PCYT1A: variants seen among roughly 807,000 people sequenced by gnomAD.
The protein encoded by PCYT1A is phosphate cytidylyltransferase 1A, choline, also known as choline-phosphate cytidylyltransferase A.
PCYT1A carries 25 observed loss-of-function variants against 43.7 expected under a neutral mutation model. The ratio of observed to expected loss-of-function variants is 0.57; its 90% CI spans 0.42 to 0.80. The LOEUF is 0.80. PCYT1A is among the 30% of genes least tolerant of loss of function. The pLI, the probability that PCYT1A is intolerant of heterozygous loss-of-function variation, is 0.00. For missense variants in PCYT1A, 421 were observed against 474.2 expected, an observed-to-expected ratio of 0.89 and a Z score of 1.04; for synonymous variants, 172 against 170.7, an observed-to-expected ratio of 1.01 and a Z score of -0.06.
intron 2 of PCYT1A, among the ~76,000 whole-genome samples, chr3:196,269,757 G>A (rs945872799): frequency 9.2e-5 from 14 of 152,294 alleles, no homozygotes; most frequent in African/African-American, 2.9e-4. Context: ...AGGAATGATA[G>A]AGGGAGAAAA....
rs1323330893 is a variant in PCYT1A, at chr3:196,241,941, A to G, written c.708+7T>C. ...TCAGGGAACTCTGGGGTAAGGCTGG[A>G]ACTCACGTTGATAAAGCTGACATTG... On this transcript the variant is annotated splice_region_variant and intron_variant, in intron 7 of 8. Transcript: ENST00000431016. The G allele has an allele frequency of 6.2e-7, 1 of 1,614,160 alleles. No individual in the cohort carries two copies. The highest frequency in any genetic ancestry group is 8.5e-7 in the Non-Finnish European group (1 of 1,179,996).
In PCYT1A at chr3:196,247,298, C is replaced by A; in HGVS notation, c.486+69G>T. On this transcript the variant is annotated intron_variant, in intron 5 of 8. Transcript: ENST00000431016. The surrounding 1 kb of genome is among the most constrained non-coding windows in gnomAD (Gnocchi z 4.8). ...ACACGGCTAGTGGAAAACCAGCCTA[C>A]GTGCCAGCAGCTTTGAGAGTTGAGG... 1 of 1,537,290 alleles carries A rather than the reference C, an allele frequency of 6.5e-7. No homozygotes were observed. Among genetic ancestry groups the A allele is most frequent in the African/African-American group, 1.4e-5 (1 of 73,456 alleles).
intron 1 of PCYT1A, among the ~76,000 whole-genome samples, chr3:196,276,509 G>A (rs1352148647): frequency 1.3e-5 from 2 of 151,730 alleles, no homozygotes; most frequent in African/African-American, 4.8e-5. Flanking sequence ...AGACTGAGGC[G>A]GGAGGATCAC....
At chr3:196,250,377 T>C (rs1369318624) in intron 3 of PCYT1A, among the ~76,000 whole-genome samples, 8 of 149,648 alleles carry the variant, frequency 5.3e-5, no homozygotes, top group Non-Finnish European at 1.2e-4. Flanking sequence ...AGATACACTA[T>C]GCTGAGGCTG....
intron 2 of PCYT1A, among the ~76,000 whole-genome samples, chr3:196,266,248 G>A (rs910942485): frequency 3.3e-5 from 5 of 151,440 alleles, no homozygotes; most frequent in East Asian, 2.0e-4. Context: ...CGAGGCGGGC[G>A]GATCACGAGG....
chr3:196,236,657 A>ATG lies in PCYT1A; in HGVS notation c.*2029_*2030dup, dbSNP rs568616583. The ATG allele has an allele frequency of 6.6e-6, 1 of 151,142 alleles. No homozygotes were observed. Among genetic ancestry groups the ATG allele is most frequent in the Non-Finnish European group, 1.5e-5 (1 of 67,776 alleles). 9.4% of individuals were successfully genotyped at this position (151,142 alleles called of 1,614,324 possible). ...GTTGATTATTTCTCTTTATTTCTGT[A>ATG]TGTGTGTGTGGTTTTTGTTTTGTTT... On this transcript the variant is annotated 3_prime_UTR_variant, in exon 9 of 9. Transcript: ENST00000431016.
At chr3:196,276,113 C>A (rs1284735051) in intron 1 of PCYT1A, among the ~76,000 whole-genome samples, 3 of 149,016 alleles carry the variant, frequency 2.0e-5, no homozygotes, top group Non-Finnish European at 3.0e-5. Flanking sequence ...AAAAAAAAAC[C>A]AAAACAAAAT....
In PCYT1A at chr3:196,242,041, G is replaced by A. The variant is rs149021553; in HGVS notation, c.615C>T (p.Ile205=). The A allele has an allele frequency of 9.9e-6, 16 of 1,613,974 alleles. No homozygotes were observed. The highest frequency in any genetic ancestry group is 1.3e-5 in the Non-Finnish European group (15 of 1,179,990). The change falls in exon 7 of 9, where the codon ATC becomes ATT. Residue 205 remains isoleucine (I), a synonymous_variant. Coordinates refer to ENST00000431016, the MANE Select transcript of PCYT1A (RefSeq NM_001312673.2). This position sits in a 1 kb window ranked among gnomAD's most constrained non-coding sequence, Gnocchi z 4.2. ...QRTEGISTSD[I]ITRIVRDYDV... ...CATAATCCCGCACAATTCGGGTGAT[G>A]ATGTCTGATGTGGAGATACCTTCTG...
In PCYT1A at chr3:196,247,707, C is replaced by T; in HGVS notation, c.335-189G>A. 1.4e-6 allele frequency: 1 copy of T among 696,022 alleles called. No individual in the cohort carries two copies. The highest frequency in any genetic ancestry group is 2.6e-6 in the Non-Finnish European group (1 of 380,764). The allele number at this position is 696,022 out of a possible 1,614,324, so 43.1% of individuals were successfully genotyped here. On this transcript the variant is annotated intron_variant, in intron 4 of 8. Coordinates refer to ENST00000431016, the MANE Select transcript of PCYT1A (RefSeq NM_001312673.2). The surrounding 1 kb of genome is among the most constrained non-coding windows in gnomAD (Gnocchi z 4.8). The stretch of plus-strand genomic sequence containing the variant: ...CTAATGCAGCGTATACCTTCAGGAG[C>T]AACACTCACTAAACAGTATGTTCAT...
In PCYT1A at chr3:196,242,877, G is replaced by A; in HGVS notation, c.487-237C>T. 1 of 541,584 alleles carries A rather than the reference G, an allele frequency of 1.8e-6. No homozygotes were observed. The allele number at this position is 541,584 out of a possible 1,614,324, so 33.5% of individuals were successfully genotyped here. On this transcript the variant is annotated intron_variant, in intron 5 of 8. Coordinates refer to ENST00000431016, the MANE Select transcript of PCYT1A (RefSeq NM_001312673.2). This position sits in a 1 kb window ranked among gnomAD's most constrained non-coding sequence, Gnocchi z 4.2. ...CTTTTGTAGCTATTTCTCCTAGTCT[G>A]CTAGAACTGTTACCCTCACTCTGTA...
At chr3:196,258,803 T>C (rs1450377441) in intron 2 of PCYT1A, among the ~76,000 whole-genome samples, 1 of 152,006 alleles carries the variant, frequency 6.6e-6, no homozygotes, top group African/African-American at 2.4e-5. Context: ...CCTAGGCTGG[T>C]CTCAAACTCC....
chr3:196,260,919 C>T (rs1725092277), intron 2 of PCYT1A, among the ~76,000 whole-genome samples: 1 of 152,004 alleles, frequency 6.6e-6, no homozygotes, highest in Non-Finnish European at 1.5e-5. Context: ...TCGTAATAGC[C>T]AAAAAGTAGA....
intron 7 of PCYT1A, chr3:196,240,654 G>A (rs1367656391): frequency 6.6e-6 from 1 of 152,172 alleles, no homozygotes; most frequent in Non-Finnish European, 1.5e-5. Context: ...TTGCGCCACT[G>A]TACTCTGGCC....
At position 196,273,786 on chromosome 3, in the gene PCYT1A, T is replaced by C. The variant is rs1725508436; in HGVS notation, c.-10-3245A>G. On this transcript the variant is annotated intron_variant, in intron 1 of 8. Coordinates refer to ENST00000431016, the MANE Select transcript of PCYT1A (RefSeq NM_001312673.2). The surrounding 1 kb of genome is among the most constrained non-coding windows in gnomAD (Gnocchi z 4.1). ...CACAGGCAGCCCGGAAAAAGCATCG[T>C]AAGTTCTCATTCCAGTCCACAGAAC... Among the ~76,000 whole-genome samples the C allele has an allele frequency of 6.6e-6, 1 of 151,888 alleles. No homozygotes were observed. The highest frequency in any genetic ancestry group is 1.5e-5 in the Non-Finnish European group (1 of 68,006).
Position 196,247,260 on chromosome 3 carries a change from A to G in PCYT1A, c.486+107T>C. 9.1e-7 allele frequency: 1 copy of G among 1,104,482 alleles called. No individual in the cohort carries two copies. Among genetic ancestry groups the G allele is most frequent in the Non-Finnish European group, 1.4e-6 (1 of 737,840 alleles). 68.4% of individuals were successfully genotyped at this position (1,104,482 alleles called of 1,614,324 possible). ...TCATCTCCTACGAAACTTACATAAG[A>G]GGTAGAAGTAAAACACGGCTAGTGG... On this transcript the variant is annotated intron_variant, in intron 5 of 8. Transcript: ENST00000431016. This position sits in a 1 kb window ranked among gnomAD's most constrained non-coding sequence, Gnocchi z 4.8.
Position 196,237,102 on chromosome 3 carries a change from C to CAG in PCYT1A, c.*1584_*1585dup, listed in dbSNP as rs147293878. On this transcript the variant is annotated 3_prime_UTR_variant, in exon 9 of 9. Coordinates refer to ENST00000431016, the MANE Select transcript of PCYT1A (RefSeq NM_001312673.2). ...GACTATGAGATGCTCACAGTCCTAG[C>CAG]AGAGGCAAGGAAAGAGAAAATGTGG... The CAG allele has an allele frequency of 0.15, 22,084 of 152,242 alleles. 2,730 individuals carry two copies. The highest frequency in any genetic ancestry group is 0.33 in the African/African-American group (13,706 of 41,484). 9.4% of individuals were successfully genotyped at this position (152,242 alleles called of 1,614,324 possible).
At position 196,239,596 on chromosome 3, in the gene PCYT1A, C is replaced by A; in HGVS notation, c.848G>T (p.Arg283Leu). The change falls in exon 8 of 9, where the codon CGA (arginine) becomes CTA (leucine). Residue 283 changes from arginine (R) to leucine (L), a missense_variant. By Grantham distance (102) the Arg-to-Leu change is moderately radical. Coordinates refer to ENST00000431016, the MANE Select transcript of PCYT1A (RefSeq NM_001312673.2). ...DLIQKWEEKS[R>L]EFIGSFLEMF... ...TTCCAGAAAACTTCCAATGAATTCTCGGGACTTCTCCTCCCACTTCTGAAT... is the reference window on the plus strand; with the variant it reads ...TTCCAGAAAACTTCCAATGAATTCTAGGGACTTCTCCTCCCACTTCTGAAT... The A allele has an allele frequency of 6.2e-7, 1 of 1,613,322 alleles. No individual in the cohort carries two copies. The highest frequency in any genetic ancestry group is 8.5e-7 in the Non-Finnish European group (1 of 1,179,252).
chr3:196,241,383 G>C (rs180852330), intron 7 of PCYT1A: 5 of 418,088 alleles, frequency 1.2e-5, no homozygotes, highest in African/African-American at 8.3e-5. Context: ...ATGGGGTCTC[G>C]CTATGTTGCC....
chr3:196,278,982 A>C (rs1442192279), intron 1 of PCYT1A, among the ~76,000 whole-genome samples: 2 of 144,110 alleles, frequency 1.4e-5, no homozygotes, highest in African/African-American at 5.2e-5. Flanking sequence ...CCTCATCTCA[A>C]AAAAAAAAAA....
Sources: gnomAD v4.1 joint callset for allele counts (sites outside exome capture counted in the v4.1 genomes callset) on GRCh38, gnomAD v4.1.1 for gene constraint, Gnocchi (gnomAD v3.1) non-coding constraint, MANE v1.5 for transcripts, NCBI Gene and HGNC (gene_info 2026-07-23, HGNC 2026-07-21) for gene names.